The following CPNE4 variants were observed in gnomAD, a reference collection of about 807,000 sequenced individuals.
CPNE4 encodes copine 4, also known as copine-4.
Under a neutral mutation model 67.9 loss-of-function variants are expected in CPNE4, and 25 were observed. The observed-to-expected ratio is 0.37, with a 90% CI of 0.27 to 0.51. The LOEUF is 0.51. Among genes scored for constraint, CPNE4 ranks in the 20% least tolerant of loss-of-function variants. CPNE4 has a pLI of 0.93. For missense variants in CPNE4, 464 were observed against 690.8 expected, an observed-to-expected ratio of 0.67 and a Z score of 3.68; for synonymous variants, 242 against 244.9, an observed-to-expected ratio of 0.99 and a Z score of 0.11.
chr3:131,743,569 C>G (rs2082405309), intron 2 of CPNE4, among the ~76,000 whole-genome samples: 1 of 152,082 alleles, frequency 6.6e-6, no homozygotes, highest in Admixed American at 6.6e-5. Flanking sequence ...ACACTATGAT[C>G]AAATAGTTTA....
intron 1 of CPNE4, among the ~76,000 whole-genome samples, chr3:131,968,830 C>A (rs1583532732): frequency 6.6e-6 from 1 of 152,290 alleles, no homozygotes; most frequent in East Asian, 1.9e-4. Context: ...CCAGAAATAG[C>A]ATTTCACCCA....
rs140204602 is a variant in CPNE4, at chr3:131,807,812, A to C, written c.181-84187T>G. 3.7e-3 allele frequency among the ~76,000 whole-genome samples: 567 copies of C among 152,328 alleles called. 5 individuals carry two copies. Among genetic ancestry groups the C allele is most frequent in the African/African-American group, 0.013 (540 of 41,576 alleles). On this transcript the variant is annotated intron_variant, in intron 2 of 15. Coordinates refer to ENST00000429747, the MANE Select transcript of CPNE4 (RefSeq NM_130808.3). Reference sequence around the variant, plus strand: ...TTTTAAAAGCAAAAGAAATAGTAGAAAATGTTCAAATATATTCTCCATGAT... The same window carrying C: ...TTTTAAAAGCAAAAGAAATAGTAGACAATGTTCAAATATATTCTCCATGAT...
rs1444889887 is a variant in CPNE4, at chr3:131,685,948, C to G, written c.518G>C (p.Ser173Thr). 6.3e-7 allele frequency: 1 copy of G among 1,593,914 alleles called. No individual in the cohort carries two copies. Among genetic ancestry groups the G allele is most frequent in the Non-Finnish European group, 8.6e-7 (1 of 1,161,964 alleles). Residue 173 changes from serine (S) to threonine (T), a missense_variant, in exon 6 of 16, where the codon AGT becomes ACT. Ser to Thr is a moderately conservative substitution (Grantham distance 58, BLOSUM62 1). Coordinates refer to ENST00000429747, the MANE Select transcript of CPNE4 (RefSeq NM_130808.3). ...AATTTCCAGAAATGGGTCAGATTTA[C>G]TGAAGAAATCCTAAAATAGATAAAC... ...ARKLDDKDFFSKSDPFLEIFR... is the reference protein window; with the variant it reads ...ARKLDDKDFFTKSDPFLEIFR...
intron 7 of CPNE4, among the ~76,000 whole-genome samples, chr3:131,609,170 A>C (rs1939676993): frequency 6.6e-6 from 1 of 152,186 alleles, no homozygotes; most frequent in Admixed American, 6.6e-5. Context: ...CAAAACCGTA[A>C]GCTAGCTCCA....
intron 1 of CPNE4, among the ~76,000 whole-genome samples, chr3:131,951,984 C>G (rs533916400): frequency 6.6e-6 from 1 of 152,048 alleles, no homozygotes; most frequent in South Asian, 2.1e-4. Context: ...CCAGCCGCCA[C>G]CCCGTCTGGG....
chr3:131,911,525 T>C (rs1231623423), intron 1 of CPNE4, among the ~76,000 whole-genome samples: 1 of 149,592 alleles, frequency 6.7e-6, no homozygotes, highest in Admixed American at 6.7e-5. Context: ...TACAAACAGA[T>C]TCAAGAGGCA....
In CPNE4 at chr3:131,972,119, G is replaced by C. The variant is rs552851083; in HGVS notation, c.-2+62448C>G. On this transcript the variant is annotated intron_variant, in intron 1 of 15. Coordinates refer to ENST00000429747, the MANE Select transcript of CPNE4 (RefSeq NM_130808.3). Reference sequence around the variant, plus strand: ...TCTTATCTTCTATCCTTTAGAGAGAGAGGGAAAAAAAAAGAAAAATCAACA... The same window carrying C: ...TCTTATCTTCTATCCTTTAGAGAGACAGGGAAAAAAAAAGAAAAATCAACA... Among the ~76,000 whole-genome samples, 3 of 139,558 alleles carry C rather than the reference G, an allele frequency of 2.1e-5. No homozygotes were observed. In the East Asian group the frequency reaches 6.0e-4, roughly 28 times the overall value. The allele number at this position is 139,558 out of a possible 152,430, so 91.6% of individuals were successfully genotyped here.
chr3:131,665,852 C>T (rs1269771531), intron 7 of CPNE4, among the ~76,000 whole-genome samples: 1 of 151,882 alleles, frequency 6.6e-6, no homozygotes, highest in African/African-American at 2.4e-5. Context: ...TTAAGCACTC[C>T]TGCAAAACAC....
intron 2 of CPNE4, among the ~76,000 whole-genome samples, chr3:131,816,241 G>C (rs112984022): frequency 0.011 from 1,747 of 152,304 alleles, 34 homozygotes; most frequent in African/African-American, 0.04. Context: ...CCAGGGCTAA[G>C]ACTGATACTC....
chr3:131,965,118 C>T (rs376899668), intron 1 of CPNE4, among the ~76,000 whole-genome samples: 3 of 152,152 alleles, frequency 2.0e-5, no homozygotes, highest in African/African-American at 7.2e-5. Context: ...CATATCTAGC[C>T]AAACTAAGCT....
intron 15 of CPNE4, among the ~76,000 whole-genome samples, chr3:131,536,670 T>C (rs891409314): frequency 2.0e-5 from 3 of 152,234 alleles, no homozygotes; most frequent in Admixed American, 2.0e-4. Flanking sequence ...TTTTAAGCAA[T>C]CTGAAAACAC....
intron 1 of CPNE4, among the ~76,000 whole-genome samples, chr3:131,974,903 G>C (rs1416295715): frequency 6.6e-6 from 1 of 152,126 alleles, no homozygotes; most frequent in Non-Finnish European, 1.5e-5. Context: ...AGCTGCTCGG[G>C]AGGCTGAGGG....
Position 131,958,440 on chromosome 3 carries a change from G to A in CPNE4, c.-1-52996C>T, listed in dbSNP as rs557830191. 1.1e-3 allele frequency among the ~76,000 whole-genome samples: 171 copies of A among 151,964 alleles called. No individual in the cohort carries two copies. The Middle Eastern group carries it at 0.031, about 27-fold the overall frequency. On this transcript the variant is annotated intron_variant, in intron 1 of 15. Transcript: ENST00000429747. The stretch of plus-strand genomic sequence containing the variant: ...CTGATTTGGAAACTGTGACTATGGA[G>A]CCCAGGAAGCTGTTTCAGCAAGCTC...
upstream of CPNE4, chr3:132,037,702 G>A (rs2178384): frequency 0.23 from 248,349 of 1,075,634 alleles, 31,021 homozygotes; most frequent in East Asian, 0.42. Context: ...AGATTCACTC[G>A]CCGGGTTTCT....
At chr3:131,536,105 G>A (rs888801312) in intron 15 of CPNE4, among the ~76,000 whole-genome samples, 2 of 152,138 alleles carry the variant, frequency 1.3e-5, no homozygotes, top group Non-Finnish European at 2.9e-5. Flanking sequence ...GGGGACGAGG[G>A]GGTTTAGGGG....
At chr3:131,786,224 C>T (rs1449340166) in intron 2 of CPNE4, among the ~76,000 whole-genome samples, 1 of 151,950 alleles carries the variant, frequency 6.6e-6, no homozygotes, top group Non-Finnish European at 1.5e-5. Flanking sequence ...CCTTGCCTTA[C>T]CTTCAAACTC....
upstream of CPNE4, chr3:132,035,171 G>A (rs1359571914): frequency 2.4e-5 from 11 of 464,126 alleles, no homozygotes; most frequent in African/African-American, 2.1e-4. Context: ...GTCCTGCCGC[G>A]CCCGCAGTCT....
chr3:131,896,914 A>G (rs1460184948), intron 2 of CPNE4, among the ~76,000 whole-genome samples: 1 of 152,104 alleles, frequency 6.6e-6, no homozygotes, highest in African/African-American at 2.4e-5. Context: ...GGCCAGAAAA[A>G]TGAGTGTTTA....
intron 7 of CPNE4, among the ~76,000 whole-genome samples, chr3:131,629,924 CT>C (rs2079176870): frequency 6.8e-6 from 1 of 146,308 alleles, no homozygotes; most frequent in Non-Finnish European, 1.5e-5. Context: ...CTCTCTCCCC[CT>C]CTTTCCTTCT....
Sources: gnomAD v4.1 joint callset for allele counts (sites outside exome capture counted in the v4.1 genomes callset) on GRCh38, gnomAD v4.1.1 for gene constraint, MANE v1.5 for transcripts, NCBI Gene and HGNC (gene_info 2026-07-23, HGNC 2026-07-21) for gene names.